DYNC2H1: variants seen among roughly 807,000 people sequenced by gnomAD.
DYNC2H1 encodes the protein dynein cytoplasmic 2 heavy chain 1, also known as cytoplasmic dynein 2 heavy chain 1.
Under a neutral mutation model 570.0 loss-of-function variants are expected in DYNC2H1, and 410 were observed. That is an observed-to-expected ratio of 0.72 (90% CI 0.66 to 0.78). DYNC2H1 has a LOEUF of 0.78. Ranked by LOEUF, DYNC2H1 falls within the 30% of genes least tolerant of loss-of-function variation. The pLI, the probability that DYNC2H1 is intolerant of heterozygous loss-of-function variation, is 0.00. For synonymous variants in DYNC2H1, 1,688 were observed against 1,677.6 expected (o/e 1.01, Z -0.15); for missense variants, 4,865 against 5,046.4 (o/e 0.96, Z 1.09).
Position 103,115,204 on chromosome 11 carries a change from A to G in DYNC2H1, c.530A>G (p.Gln177Arg). Residue 177 changes from glutamine to arginine, a missense_variant, in exon 4 of 89, where the codon CAG becomes CGG. Gln to Arg is a conservative substitution (Grantham distance 43). This residue lies in a region of DYNC2H1 where 1,936 missense variants were observed against 1,962.1 expected (regional missense o/e 0.99). Coordinates refer to ENST00000375735, the MANE Select transcript of DYNC2H1 (RefSeq NM_001377.3). The stretch of plus-strand genomic sequence containing the variant: ...ATCCTTACACCAAGCGATGAGTTCC[A>G]GTTTTGGATAGAACAAGCTCACCGT... Reference protein sequence around the residue: ...RGILTPSDEFQFWIEQAHRGN... With the variant: ...RGILTPSDEFRFWIEQAHRGN... 6.2e-7 allele frequency: 1 copy of G among 1,610,708 alleles called. No homozygotes were observed.
intron 31 of DYNC2H1, among the ~76,000 whole-genome samples, chr11:103,168,037 T>C (rs1162872190): frequency 1.3e-5 from 2 of 152,220 alleles, no homozygotes; most frequent in East Asian, 3.8e-4. Context: ...TCCATGATCT[T>C]CCCAGCATTT....
In DYNC2H1 at chr11:103,256,089, G is replaced by C; in HGVS notation, c.10327-17G>C. ...TTATATGTATAATAATATTCATATT[G>C]TTAACTTTCCCTACAGACACTTGCC... On this transcript the variant is annotated splice_polypyrimidine_tract_variant and intron_variant, in intron 67 of 88. Transcript: ENST00000375735. The surrounding 1 kb of genome is among the most constrained non-coding windows in gnomAD (Gnocchi z 4.0). The C allele has an allele frequency of 1.9e-6, 3 of 1,577,448 alleles. No individual in the cohort carries two copies. Among genetic ancestry groups the C allele is most frequent in the Non-Finnish European group, 1.7e-6 (2 of 1,158,966 alleles).
intron 82 of DYNC2H1, among the ~76,000 whole-genome samples, chr11:103,336,822 C>T (rs920239964): frequency 3.9e-5 from 6 of 152,104 alleles, no homozygotes; most frequent in Non-Finnish European, 7.3e-5. Context: ...TGGGTATATA[C>T]CCAGCAGTGA....
At chr11:103,405,980 G>C (rs10895419) in intron 84 of DYNC2H1, 82,947 of 151,822 alleles carry the variant, frequency 0.55, 23,762 homozygotes, top group African/African-American at 0.74. Flanking sequence ...GCCTTTCCCC[G>C]ACAAGGGCAG....
At chr11:103,435,887 CT>C in intron 84 of DYNC2H1, 55 bp from the exon 85 acceptor site, 1 of 1,547,224 alleles carries the variant, frequency 6.5e-7, no homozygotes, top group Non-Finnish European at 8.8e-7. Flanking sequence ...TGTTAGTAGT[CT>C]TCTATATGTA....
At chr11:103,263,481 T>C (rs1235605615) in intron 70 of DYNC2H1, among the ~76,000 whole-genome samples, 1 of 151,888 alleles carries the variant, frequency 6.6e-6, no homozygotes, top group South Asian at 2.1e-4. Flanking sequence ...CCTCAGCAAA[T>C]GGAAAAGAAC....
chr11:103,263,012 A>G (rs1418069620), intron 70 of DYNC2H1, among the ~76,000 whole-genome samples: 1 of 144,828 alleles, frequency 6.9e-6, no homozygotes, highest in East Asian at 2.0e-4. Context: ...TTTACCAAGC[A>G]AATGGAAAGC....
chr11:103,123,724 G>A (rs544015305), intron 11 of DYNC2H1, among the ~76,000 whole-genome samples: 3 of 152,100 alleles, frequency 2.0e-5, no homozygotes, highest in African/African-American at 7.2e-5. Flanking sequence ...TCACTAGCAT[G>A]GTAGCATACC....
At chr11:103,336,614 A>G (rs1026091737) in intron 82 of DYNC2H1, among the ~76,000 whole-genome samples, 1 of 152,128 alleles carries the variant, frequency 6.6e-6, no homozygotes, top group Non-Finnish European at 1.5e-5. Context: ...AGTACTATCC[A>G]TGTTGTTGCA....
intron 83 of DYNC2H1, among the ~76,000 whole-genome samples, chr11:103,364,705 A>C (rs188754): frequency 0.97 from 146,743 of 151,994 alleles, 71,059 homozygotes; most frequent in Middle Eastern, 1. Flanking sequence ...TTTATAAAAT[A>C]TCTGCAGTGC....
rs1286432703 is a variant in DYNC2H1, at chr11:103,411,530, T to TAAAC, written c.12366+11660_12366+11663dup. 2.0e-5 allele frequency among the ~76,000 whole-genome samples: 3 copies of TAAAC among 151,706 alleles called. No individual in the cohort carries two copies. In the East Asian group the frequency reaches 5.8e-4, roughly 29 times the overall value. ...TTAATTATCTCGGTGACCTGTGGCA[T>TAAAC]AAACACTTGAAAAAAAAAGGATAAT... On this transcript the variant is annotated intron_variant, in intron 84 of 88. Transcript: ENST00000375735.
chr11:103,198,133 T>C lies in DYNC2H1; in HGVS notation c.7839+70T>C, dbSNP rs1862574260. 3.4e-6 allele frequency: 5 copies of C among 1,468,622 alleles called. No individual in the cohort carries two copies. The East Asian group carries it at 9.9e-5, about 29-fold the overall frequency. 91.0% of individuals were successfully genotyped at this position (1,468,622 alleles called of 1,614,324 possible). On this transcript the variant is annotated intron_variant, in intron 48 of 88. Coordinates refer to ENST00000375735, the MANE Select transcript of DYNC2H1 (RefSeq NM_001377.3). ...GTCTTTTAAAAATATTTATTGTAAATATTTAGAGGGCATGAATATGATAGA... is the reference window on the plus strand; with the variant it reads ...GTCTTTTAAAAATATTTATTGTAAACATTTAGAGGGCATGAATATGATAGA...
chr11:103,233,877 TGGG>T (rs1864116233), intron 60 of DYNC2H1, among the ~76,000 whole-genome samples, 154 bp from the exon 61 acceptor site: 1 of 85,726 alleles, frequency 1.2e-5, no homozygotes, highest in African/African-American at 4.9e-5. Context: ...TGTGTGTGTG[TGGG>T]TTTGTCTCTT....
At chr11:103,408,183 G>A (rs1942944122) in intron 84 of DYNC2H1, 2 of 151,972 alleles carry the variant, frequency 1.3e-5, no homozygotes, top group Admixed American at 6.6e-5. Flanking sequence ...AACGGTAGAT[G>A]TTGAGGGTCA....
rs775561158 is a variant in DYNC2H1 at position 103,117,763 on chromosome 11, A to G, written c.899A>G (p.His300Arg). 2.5e-6 allele frequency: 4 copies of G among 1,613,494 alleles called. No individual in the cohort carries two copies. The highest frequency in any genetic ancestry group is 3.3e-5 in the Admixed American group (2 of 60,004). ...GAACAGTGGGTGATAGTCTGTAATC[A>G]TCTAACAGGTCAGGTGTGGCAGCGC... is the stretch of plus-strand genomic sequence containing the variant. ...ICEQWVIVCN[H>R]LTGQVWQRYV... The change falls in exon 6 of 89, where the codon CAT (histidine) becomes CGT (arginine). Residue 300 changes from histidine (H) to arginine (R), a missense_variant. Coordinates refer to ENST00000375735, the MANE Select transcript of DYNC2H1 (RefSeq NM_001377.3).
rs1341963824 is a variant in DYNC2H1 at position 103,173,282 on chromosome 11, G to A, written c.5535G>A (p.Leu1845=). ...ACGCTAAAGTATTGAGCAGAAAATTGGTAGCTATTTTCAATCTATCTAGGT... is the reference window on the plus strand; with the variant it reads ...ACGCTAAAGTATTGAGCAGAAAATTAGTAGCTATTTTCAATCTATCTAGGT... ...FKDAKVLSRK[L]VAIFNLSREL... Residue 1845 remains leucine, a synonymous_variant, in exon 35 of 89, where the codon TTG becomes TTA. Transcript: ENST00000375735. 6.4e-7 allele frequency: 1 copy of A among 1,573,054 alleles called. No homozygotes were observed. The highest frequency in any genetic ancestry group is 1.8e-5 in the Admixed American group (1 of 54,196).
chr11:103,383,481 T>TA (rs55832856), intron 83 of DYNC2H1, among the ~76,000 whole-genome samples: 66,308 of 149,562 alleles, frequency 0.44, 16,152 homozygotes, highest in Non-Finnish European at 0.55. Flanking sequence ...AATCTTTATT[T>TA]TTTTTTTTTT....
Position 103,245,789 on chromosome 11 carries a change from C to G in DYNC2H1, c.10042+415C>G, listed in dbSNP as rs1275451464. 6.6e-6 allele frequency among the ~76,000 whole-genome samples: 1 copy of G among 152,040 alleles called. No individual in the cohort carries two copies. Among genetic ancestry groups the G allele is most frequent in the African/African-American group, 2.4e-5 (1 of 41,412 alleles). On this transcript the variant is annotated intron_variant, in intron 65 of 88. Transcript: ENST00000375735. The surrounding 1 kb of genome is among the most constrained non-coding windows in gnomAD (Gnocchi z 4.5). ...TTATGGGCCAACTTTACAAGTAGCCCTTTCTAAAGAGTCTCAGGATTGCTA... is the reference window on the plus strand; with the variant it reads ...TTATGGGCCAACTTTACAAGTAGCCGTTTCTAAAGAGTCTCAGGATTGCTA...
chr11:103,176,138 A>T, intron 36 of DYNC2H1, 97 bp from the exon 37 acceptor site: 1 of 868,306 alleles, frequency 1.2e-6, no homozygotes, highest in Non-Finnish European at 1.6e-6. Flanking sequence ...TAGTGCATTT[A>T]ATGATTAATA....
Sources: gnomAD v4.1 joint callset for allele counts (sites outside exome capture counted in the v4.1 genomes callset) on GRCh38, gnomAD v4.1.1 for gene constraint, gnomAD v4.1.1 regional missense constraint, Gnocchi (gnomAD v3.1) non-coding constraint, MANE v1.5 for transcripts, NCBI Gene and HGNC (gene_info 2026-07-23, HGNC 2026-07-21) for gene names.